Variants in ASB3 observed in about 807,000 individuals in gnomAD.
ASB3 encodes ankyrin repeat and SOCS box containing 3.
ASB3 carries 41 observed loss-of-function variants against 54.5 expected under a neutral mutation model. That is an observed-to-expected ratio of 0.75 (90% CI 0.59 to 0.98). The LOEUF (loss-of-function observed/expected upper bound fraction) is 0.98, where lower values mean the gene tolerates loss of function less well. Ranked by LOEUF, ASB3 falls within the 50% of genes least tolerant of loss-of-function variation. The pLI is 0.00. For missense variants in ASB3, 733 were observed against 620.0 expected (o/e 1.18, Z -1.94); for synonymous variants, 266 against 221.2 (o/e 1.20, Z -1.80).
At chr2:53,720,935 G>T (rs1041947137) in intron 5 of ASB3, among the ~76,000 whole-genome samples, 2 of 151,928 alleles carry the variant, frequency 1.3e-5, no homozygotes, top group Non-Finnish European at 2.9e-5. Context: ...TGGCCAACAC[G>T]ATGAAACCCC....
At chr2:53,729,680 G>A in intron 3 of ASB3, 110 bp from the exon 4 acceptor site, 1 of 836,708 alleles carries the variant, frequency 1.2e-6, no homozygotes, top group Non-Finnish European at 2.0e-6. Context: ...ACAATGCTCT[G>A]ATTATTCCTA....
At chr2:53,724,041 T>C (rs1436784104) in intron 5 of ASB3, among the ~76,000 whole-genome samples, 4 of 152,166 alleles carry the variant, frequency 2.6e-5, no homozygotes, top group Admixed American at 1.3e-4. Flanking sequence ...AAAGAATTTA[T>C]GACTAAGTTC....
At chr2:53,710,659 C>A (rs1283188096) in intron 7 of ASB3, among the ~76,000 whole-genome samples, 6 of 152,202 alleles carry the variant, frequency 3.9e-5, no homozygotes, top group Non-Finnish European at 8.8e-5. Flanking sequence ...TTTATTTCAG[C>A]AAGCATATAA....
intron 9 of ASB3, among the ~76,000 whole-genome samples, chr2:53,681,200 A>G (rs1668351801): frequency 6.6e-6 from 1 of 152,130 alleles, no homozygotes; most frequent in Non-Finnish European, 1.5e-5. Flanking sequence ...TTTTCTCTTC[A>G]ATATACTGAT....
chr2:53,707,716 T>C (rs866049786), intron 7 of ASB3, among the ~76,000 whole-genome samples: 1 of 148,166 alleles, frequency 6.7e-6, no homozygotes, highest in East Asian at 2.0e-4. Context: ...ATCCCAACAC[T>C]TTTGGGAGGT....
At chr2:53,674,646 T>C (rs1667984948) in intron 9 of ASB3, among the ~76,000 whole-genome samples, 1 of 152,200 alleles carries the variant, frequency 6.6e-6, no homozygotes, top group East Asian at 1.9e-4. Flanking sequence ...CTGCCTGAAC[T>C]ACATTTCTCT....
chr2:53,729,784 G>C (rs942541416), intron 3 of ASB3, among the ~76,000 whole-genome samples: 6 of 152,114 alleles, frequency 3.9e-5, no homozygotes, highest in Non-Finnish European at 7.4e-5. Flanking sequence ...CATGTTAAAA[G>C]ACACAGAGGA....
intron 1 of ASB3, among the ~76,000 whole-genome samples, chr2:53,766,366 G>A (rs3755116): frequency 0.057 from 8,705 of 152,236 alleles, 455 homozygotes; most frequent in East Asian, 0.28. Flanking sequence ...ACAATTTCTT[G>A]TTAGTGACTC....
chr2:53,771,986 A>C, intron 1 of ASB3: 1 of 1,097,462 alleles, frequency 9.1e-7, no homozygotes, highest in South Asian at 1.6e-5. Flanking sequence ...AATTTTATAA[A>C]ATGTTGCGAT....
chr2:53,700,564 G>A, intron 7 of ASB3, 36 bp from the exon 8 acceptor site: 1 of 1,568,484 alleles, frequency 6.4e-7, no homozygotes, highest in Non-Finnish European at 8.6e-7. Flanking sequence ...AAAAGAAGAA[G>A]TTAGACTTTG....
At chr2:53,719,215 G>A (rs530950023) in intron 5 of ASB3, among the ~76,000 whole-genome samples, 2 of 152,210 alleles carry the variant, frequency 1.3e-5, no homozygotes, top group African/African-American at 2.4e-5. Context: ...GAGCCACCAC[G>A]CCCAACCAGG....
rs752882853 is a variant in ASB3, at chr2:53,716,526, G to C, written c.782+40C>G. Reference sequence around the variant, plus strand: ...CCAGATTTATTCTTTATTAGCTTTTGATTAAGAGACCATGTTTATTTTCTG... The same window carrying C: ...CCAGATTTATTCTTTATTAGCTTTTCATTAAGAGACCATGTTTATTTTCTG... On this transcript the variant is annotated intron_variant, in intron 6 of 9. Coordinates refer to ENST00000263634, the MANE Select transcript of ASB3 (RefSeq NM_016115.5). The C allele has an allele frequency of 4.4e-6, 7 of 1,591,664 alleles. No homozygotes were observed. In the East Asian group the frequency reaches 9.0e-5, roughly 20 times the overall value.
At chr2:53,780,307 C>A (rs1233652093) in intron 1 of ASB3, among the ~76,000 whole-genome samples, 4 of 152,130 alleles carry the variant, frequency 2.6e-5, no homozygotes, top group African/African-American at 7.2e-5. Context: ...TCACACCACC[C>A]TCCTCATTCT....
intron 3 of ASB3, among the ~76,000 whole-genome samples, chr2:53,746,539 G>A (rs902522999): frequency 8.7e-5 from 13 of 149,640 alleles, no homozygotes; most frequent in Middle Eastern, 3.4e-3. Context: ...GTGCAATGGC[G>A]CAATCTTGGC....
intron 7 of ASB3, among the ~76,000 whole-genome samples, chr2:53,713,160 A>G (rs1319800829): frequency 6.6e-6 from 1 of 152,208 alleles, no homozygotes; most frequent in Non-Finnish European, 1.5e-5. Flanking sequence ...GTGAAACCCT[A>G]TCTCTACTAA....
chr2:53,746,343 T>C (rs1672221321), intron 3 of ASB3, among the ~76,000 whole-genome samples: 1 of 152,070 alleles, frequency 6.6e-6, no homozygotes, highest in African/African-American at 2.4e-5. Context: ...CTAAAGTTTG[T>C]CCTATTATTC....
chr2:53,752,783 T>C (rs867583032), intron 2 of ASB3, among the ~76,000 whole-genome samples: 2 of 152,130 alleles, frequency 1.3e-5, no homozygotes, highest in African/African-American at 4.8e-5. Context: ...AGTGAAGTAA[T>C]GTGCTCCTGG....
intron 7 of ASB3, 41 bp from the exon 8 acceptor site, chr2:53,700,569 A>C: frequency 6.4e-7 from 1 of 1,564,276 alleles, no homozygotes; most frequent in Non-Finnish European, 8.6e-7. Flanking sequence ...AAGAAGTTAG[A>C]CTTTGACATA....
rs752095245 is a variant in ASB3, at chr2:53,728,684, C to CAGTA, written c.604+24_604+27dup. The CAGTA allele has an allele frequency of 1.1e-5, 17 of 1,492,426 alleles. No individual in the cohort carries two copies. The East Asian group carries it at 3.7e-4, about 33-fold the overall frequency. The allele number at this position is 1,492,426 out of a possible 1,614,324, so 92.4% of individuals were successfully genotyped here. ...TATAGTTTAAAGCTCATGATCTTAACAGTACAAAGGCTAATGGATAATCTT... is the reference window on the plus strand; with the variant it reads ...TATAGTTTAAAGCTCATGATCTTAACAGTAAGTACAAAGGCTAATGGATAATCTT... On this transcript the variant is annotated intron_variant, in intron 5 of 9. Transcript: ENST00000263634.
Sources: gnomAD v4.1 joint callset for allele counts (sites outside exome capture counted in the v4.1 genomes callset) on GRCh38, gnomAD v4.1.1 for gene constraint, MANE v1.5 for transcripts, NCBI Gene and HGNC (gene_info 2026-07-23, HGNC 2026-07-21) for gene names.